RNLS: variants seen among roughly 807,000 people sequenced by gnomAD.
RNLS encodes the protein renalase.
A neutral mutation model predicts 39.8 loss-of-function variants in RNLS; 39 were observed. The observed-to-expected ratio is 0.98, with a 90% CI of 0.76 to 1.28. The LOEUF (loss-of-function observed/expected upper bound fraction) is 1.28, where lower values mean the gene tolerates loss of function less well. RNLS is among the 50% of genes most tolerant of loss of function. The pLI is 0.00. For synonymous variants in RNLS, 147 were observed against 150.7 expected, an observed-to-expected ratio of 0.98 and a Z score of 0.18; for missense variants, 410 against 413.3, an observed-to-expected ratio of 0.99 and a Z score of 0.07.
intron 4 of RNLS, among the ~76,000 whole-genome samples, chr10:88,473,449 T>C (rs1843654677): frequency 6.6e-6 from 1 of 151,798 alleles, no homozygotes; most frequent in African/African-American, 2.4e-5. Context: ...CACACACAAA[T>C]ATGGCACACA....
At chr10:88,225,233 T>G in the RNLS span, among the ~76,000 whole-genome samples, 1 of 152,202 alleles carries the variant, frequency 6.6e-6, no homozygotes, top group Admixed American at 6.5e-5. Context: ...AGACAAAAAA[T>G]TATTCAGCTT....
At chr10:88,199,048 G>A in the RNLS span, among the ~76,000 whole-genome samples, 2 of 152,170 alleles carry the variant, frequency 1.3e-5, no homozygotes, top group African/African-American at 4.8e-5. Flanking sequence ...ACCTCGGAAA[G>A]GAGAAGGAGG....
chr10:88,537,917 G>A (rs990162656), intron 4 of RNLS, among the ~76,000 whole-genome samples: 3 of 152,164 alleles, frequency 2.0e-5, no homozygotes, highest in African/African-American at 7.2e-5. Flanking sequence ...TAGTATTGAT[G>A]ATGATAAGTT....
At position 88,501,915 on chromosome 10, in the gene RNLS, T is replaced by C. The variant is rs1163237252; in HGVS notation, c.526+70988A>G. 2.0e-5 allele frequency among the ~76,000 whole-genome samples: 3 copies of C among 152,172 alleles called. No individual in the cohort carries two copies. In the East Asian group the frequency reaches 5.8e-4, roughly 29 times the overall value. ...TCCCTGTTGAGACCTGGTATAATAA[T>C]ATGGAAACAGCCCGATTCTGTTTAC... is the stretch of plus-strand genomic sequence containing the variant. On this transcript the variant is annotated intron_variant, in intron 4 of 6. Transcript: ENST00000331772.
chr10:88,193,994 A>G, the RNLS span, among the ~76,000 whole-genome samples: 2 of 152,164 alleles, frequency 1.3e-5, no homozygotes, highest in Non-Finnish European at 2.9e-5. Flanking sequence ...AGCACAGGTG[A>G]TTTTTCTTAT....
intron 4 of RNLS, among the ~76,000 whole-genome samples, chr10:88,433,106 A>G (rs888139522): frequency 6.6e-6 from 1 of 152,088 alleles, no homozygotes; most frequent in Admixed American, 6.6e-5. Flanking sequence ...TTGGTAAAAT[A>G]AAGAGAAACT....
At chr10:88,216,287 G>A in the RNLS span, among the ~76,000 whole-genome samples, 8 of 152,242 alleles carry the variant, frequency 5.3e-5, no homozygotes, top group Admixed American at 2.0e-4. Flanking sequence ...AAGCAGTAGA[G>A]GGAAATTTTT....
At chr10:88,312,277 T>C (rs1486196439) in intron 6 of RNLS, among the ~76,000 whole-genome samples, 1 of 152,180 alleles carries the variant, frequency 6.6e-6, no homozygotes, top group African/African-American at 2.4e-5. Context: ...TTTGACCTGC[T>C]GTTGCTGGCT....
chr10:88,474,579 G>A (rs1202822658), intron 4 of RNLS, among the ~76,000 whole-genome samples: 3 of 152,138 alleles, frequency 2.0e-5, no homozygotes, highest in African/African-American at 7.2e-5. Context: ...AAGTTGGAAG[G>A]CTTAAATGAG....
chr10:88,295,107 T>C (rs1216694453), intron 6 of RNLS, among the ~76,000 whole-genome samples: 1 of 152,138 alleles, frequency 6.6e-6, no homozygotes, highest in East Asian at 1.9e-4. Context: ...TGTAGTGAAG[T>C]AGAAATCATA....
Position 88,414,030 on chromosome 10 carries a change from T to C in RNLS, c.527-51305A>G, listed in dbSNP as rs369429016. Among the ~76,000 whole-genome samples the C allele has an allele frequency of 5.3e-5, 8 of 152,308 alleles. No homozygotes were observed. The East Asian group carries it at 1.4e-3, about 26-fold the overall frequency. ...AGGTATTAATATAAATATCATGTCA[T>C]TTTCTTATTTAGGTTGTTTCTAGTA... On this transcript the variant is annotated intron_variant, in intron 4 of 6. Transcript: ENST00000331772.
At chr10:88,317,571 G>T (rs553876277) in intron 5 of RNLS, among the ~76,000 whole-genome samples, 9 of 152,146 alleles carry the variant, frequency 5.9e-5, no homozygotes, top group African/African-American at 2.2e-4. Flanking sequence ...TGTGTGTTTC[G>T]TAAAATATAC....
At chr10:88,268,357 C>T in the RNLS span, among the ~76,000 whole-genome samples, 13 of 152,162 alleles carry the variant, frequency 8.5e-5, no homozygotes, top group Non-Finnish European at 1.8e-4. Context: ...ATATATTTCC[C>T]GATGCCCTCC....
intron 4 of RNLS, among the ~76,000 whole-genome samples, chr10:88,430,127 A>T (rs1277173807): frequency 1.3e-5 from 2 of 151,836 alleles, no homozygotes; most frequent in Non-Finnish European, 2.9e-5. Context: ...GCCATGAAAA[A>T]GGTATTTTCT....
chr10:88,394,101 A>C (rs558787073), intron 4 of RNLS, among the ~76,000 whole-genome samples: 9 of 152,172 alleles, frequency 5.9e-5, no homozygotes, highest in African/African-American at 9.6e-5. Flanking sequence ...AGAAGAAAAC[A>C]TAGGCAATAC....
intron 4 of RNLS, among the ~76,000 whole-genome samples, chr10:88,433,837 G>C (rs1422802267): frequency 6.6e-6 from 1 of 152,036 alleles, no homozygotes; most frequent in South Asian, 2.1e-4. Flanking sequence ...CTAGGTTACA[G>C]TGCTGAAATC....
chr10:88,426,089 AGTTT>A (rs1271945050), intron 4 of RNLS, among the ~76,000 whole-genome samples: 2 of 152,028 alleles, frequency 1.3e-5, no homozygotes, highest in Admixed American at 1.3e-4. Context: ...TCATTCATTT[AGTTT>A]GTTATATGGC....
intron 4 of RNLS, among the ~76,000 whole-genome samples, chr10:88,394,710 T>G (rs981244436): frequency 6.6e-6 from 1 of 151,978 alleles, no homozygotes; most frequent in Non-Finnish European, 1.5e-5. Context: ...ACCCAAAGGA[T>G]TATAAATCAT....
At position 88,284,531 on chromosome 10, in the gene RNLS, G is replaced by T. The variant is rs187879824; in HGVS notation, c.*823C>A. Reference sequence around the variant, plus strand: ...TATTTTCTGGTTCAGTAAATTTTTTGTTGTGTTAAATTCATTAAACTCGAC... The same window carrying T: ...TATTTTCTGGTTCAGTAAATTTTTTTTTGTGTTAAATTCATTAAACTCGAC... On this transcript the variant is annotated 3_prime_UTR_variant, in exon 7 of 7. Coordinates refer to ENST00000331772, the MANE Select transcript of RNLS (RefSeq NM_001031709.3). 8.9e-5 allele frequency: 88 copies of T among 985,256 alleles called. No individual in the cohort carries two copies. Among genetic ancestry groups the T allele is most frequent in the Non-Finnish European group, 1.0e-4 (86 of 829,880 alleles). The allele number at this position is 985,256 out of a possible 1,614,324, so 61.0% of individuals were successfully genotyped here.
Sources: allele counts gnomAD v4.1 joint callset (sites outside exome capture counted in the v4.1 genomes callset), GRCh38; gene constraint gnomAD v4.1.1; transcripts MANE v1.5; gene names NCBI Gene and HGNC (gene_info 2026-07-23, HGNC 2026-07-21).